B3GALT1: variants seen among roughly 807,000 people sequenced by gnomAD.
B3GALT1 encodes UDP-Gal:betaGlcNAc beta 1,3-galactosyltransferase, polypeptide 1.
Under a neutral mutation model 23.2 loss-of-function variants are expected in B3GALT1, and 10 were observed. The ratio of observed to expected loss-of-function variants is 0.43; its 90% CI spans 0.27 to 0.73. The LOEUF (loss-of-function observed/expected upper bound fraction) is 0.73. B3GALT1 is among the 30% of genes least tolerant of loss of function. The pLI, the probability that B3GALT1 is intolerant of heterozygous loss-of-function variation, is 0.21. For missense variants in B3GALT1, 299 were observed against 405.4 expected, an observed-to-expected ratio of 0.74 and a Z score of 2.25; for synonymous variants, 156 against 141.5, an observed-to-expected ratio of 1.10 and a Z score of -0.73.
intron 3 of B3GALT1, among the ~76,000 whole-genome samples, chr2:167,771,873 C>G (rs1160178394): frequency 6.6e-6 from 1 of 152,306 alleles, no homozygotes; most frequent in South Asian, 2.1e-4. Context: ...CCTTCTCATG[C>G]ATATTGGCAT....
At chr2:167,670,888 C>T (rs2122084) in intron 3 of B3GALT1, among the ~76,000 whole-genome samples, 2 of 152,284 alleles carry the variant, frequency 1.3e-5, no homozygotes, top group East Asian at 3.9e-4. Flanking sequence ...AAAGCTTCTG[C>T]GATTTTAGGA....
At chr2:167,830,653 A>T (rs1292682585) in intron 4 of B3GALT1, among the ~76,000 whole-genome samples, 1 of 152,228 alleles carries the variant, frequency 6.6e-6, no homozygotes, top group Non-Finnish European at 1.5e-5. Flanking sequence ...CTGATTTCAA[A>T]CTGTAGCCGT....
intron 4 of B3GALT1, among the ~76,000 whole-genome samples, chr2:167,840,215 A>G (rs1365985606): frequency 2.6e-5 from 4 of 151,832 alleles, no homozygotes; most frequent in South Asian, 4.2e-4. Context: ...TGCACAGCAA[A>G]AGAAACTACC....
intron 1 of B3GALT1, among the ~76,000 whole-genome samples, chr2:167,335,150 T>C (rs73015876): frequency 0.017 from 2,594 of 152,172 alleles, 85 homozygotes; most frequent in African/African-American, 0.059. Context: ...CTTTCTGTCT[T>C]AGTTCTTGAT....
intron 1 of B3GALT1, among the ~76,000 whole-genome samples, chr2:167,392,532 A>G (rs1385667028): frequency 6.6e-6 from 1 of 152,176 alleles, no homozygotes; most frequent in African/African-American, 2.4e-5. Context: ...GAAAGGTCAG[A>G]GTTAAGAGAA....
At chr2:167,521,018 A>G (rs1387776789) in intron 2 of B3GALT1, among the ~76,000 whole-genome samples, 1 of 152,062 alleles carries the variant, frequency 6.6e-6, no homozygotes, top group East Asian at 1.9e-4. Context: ...ATGGTCTGCT[A>G]CTGTGGACTT....
intron 2 of B3GALT1, among the ~76,000 whole-genome samples, chr2:167,549,521 T>A (rs1683708179): frequency 6.6e-6 from 1 of 152,232 alleles, no homozygotes; most frequent in Admixed American, 6.5e-5. Flanking sequence ...TAGCAAATAA[T>A]CATTGCTTTC....
At chr2:167,332,167 C>T (rs1408460364) in intron 1 of B3GALT1, among the ~76,000 whole-genome samples, 1 of 152,098 alleles carries the variant, frequency 6.6e-6, no homozygotes, top group Non-Finnish European at 1.5e-5. Context: ...GGGGACCTCC[C>T]ATGGCTAGGA....
intron 1 of B3GALT1, among the ~76,000 whole-genome samples, chr2:167,304,617 G>C (rs1349917225): frequency 6.6e-6 from 1 of 151,868 alleles, no homozygotes; most frequent in Non-Finnish European, 1.5e-5. Context: ...ATGTGTATGT[G>C]AGCATACAGA....
At chr2:167,641,259 A>G (rs2105455450) in intron 2 of B3GALT1, among the ~76,000 whole-genome samples, 1 of 152,320 alleles carries the variant, frequency 6.6e-6, no homozygotes, top group East Asian at 1.9e-4. Flanking sequence ...TTACATGTCT[A>G]TACCTGATAT....
At chr2:167,648,748 A>G (rs1012343071) in intron 3 of B3GALT1, among the ~76,000 whole-genome samples, 3 of 152,014 alleles carry the variant, frequency 2.0e-5, no homozygotes, top group Non-Finnish European at 4.4e-5. Flanking sequence ...ATCCTCTTTT[A>G]TGGGAACTAT....
chr2:167,577,813 A>G (rs969489963), intron 2 of B3GALT1, among the ~76,000 whole-genome samples: 3 of 149,920 alleles, frequency 2.0e-5, no homozygotes. Context: ...ATTCAAGAAC[A>G]TTCTGAATTA....
chr2:167,809,904 G>A (rs1245277156), intron 3 of B3GALT1, among the ~76,000 whole-genome samples: 3 of 152,204 alleles, frequency 2.0e-5, no homozygotes, highest in African/African-American at 7.2e-5. Flanking sequence ...GAGGCAGGCA[G>A]GCCTCCTTGA....
chr2:167,440,798 C>T (rs1698877927), intron 1 of B3GALT1, among the ~76,000 whole-genome samples: 1 of 151,630 alleles, frequency 6.6e-6, no homozygotes, highest in South Asian at 2.1e-4. Context: ...AGTAAGTTTT[C>T]CTTTACATTG....
intron 1 of B3GALT1, among the ~76,000 whole-genome samples, chr2:167,422,782 ATTT>A (rs939821059): frequency 2.0e-5 from 3 of 151,978 alleles, no homozygotes; most frequent in Non-Finnish European, 4.4e-5. Context: ...ACAGAGGTGC[ATTT>A]TTTTCCTGAG....
chr2:167,554,528 T>C (rs1683809489), intron 2 of B3GALT1, among the ~76,000 whole-genome samples: 1 of 152,202 alleles, frequency 6.6e-6, no homozygotes, highest in South Asian at 2.1e-4. Flanking sequence ...CCTGTTACCT[T>C]CTTTCCTAAT....
chr2:167,456,048 C>A (rs1425554017), intron 1 of B3GALT1, among the ~76,000 whole-genome samples: 3 of 152,104 alleles, frequency 2.0e-5, no homozygotes, highest in Non-Finnish European at 2.9e-5. Context: ...GTCTGTTCTG[C>A]ATTGCTGTAG....
At chr2:167,817,017 T>TTGA (rs1689007251) in intron 3 of B3GALT1, among the ~76,000 whole-genome samples, 2 of 152,224 alleles carry the variant, frequency 1.3e-5, no homozygotes, top group South Asian at 4.1e-4. Context: ...GGTATTTGAC[T>TTGA]TGATAAGCAG....
intron 2 of B3GALT1, among the ~76,000 whole-genome samples, chr2:167,567,251 T>C (rs1261284859): frequency 6.6e-6 from 1 of 152,150 alleles, no homozygotes; most frequent in Admixed American, 6.5e-5. Flanking sequence ...AGAAATAGAA[T>C]TAATCTGCAA....
Sources: allele counts gnomAD v4.1 joint callset (sites outside exome capture counted in the v4.1 genomes callset), GRCh38; gene constraint gnomAD v4.1.1; transcripts MANE v1.5; gene names NCBI Gene and HGNC (gene_info 2026-07-23, HGNC 2026-07-21).